RIN2: variants seen among roughly 807,000 people sequenced by gnomAD.
RIN2 encodes the protein RAB5 interacting protein 2.
In RIN2, 36 loss-of-function variants were observed where a neutral mutation model predicts 78.0. The ratio of observed to expected loss-of-function variants is 0.46; its 90% confidence interval spans 0.35 to 0.61. The LOEUF is 0.61. Among genes scored for constraint, RIN2 ranks in the 20% least tolerant of loss-of-function variants. The pLI is 0.00. For missense variants in RIN2, 1,087 were observed against 1,159.7 expected (o/e 0.94, Z 0.91); for synonymous variants, 466 against 466.8 (o/e 1.00, Z 0.02).
chr20:19,805,466 A>C (rs1159513205), intron 2 of RIN2, among the ~76,000 whole-genome samples: 1 of 152,122 alleles, frequency 6.6e-6, no homozygotes, highest in African/African-American at 2.4e-5. Context: ...CAGTGGTGCG[A>C]TCTCGGCTCA....
At chr20:19,858,695 T>TA (rs2037240401) in intron 2 of RIN2, among the ~76,000 whole-genome samples, 1 of 152,186 alleles carries the variant, frequency 6.6e-6, no homozygotes, top group South Asian at 2.1e-4. Context: ...TTTGGAATAA[T>TA]ATTTACTTAT....
At chr20:19,816,527 A>T (rs974904007) in intron 2 of RIN2, among the ~76,000 whole-genome samples, 6 of 152,200 alleles carry the variant, frequency 3.9e-5, no homozygotes, top group African/African-American at 1.4e-4. Context: ...TTCTGGTTTG[A>T]TCCTTGGGTA....
intron 2 of RIN2, among the ~76,000 whole-genome samples, chr20:19,816,815 G>C (rs577343866): frequency 1.6e-4 from 25 of 152,304 alleles, no homozygotes; most frequent in African/African-American, 4.6e-4. Flanking sequence ...TGATGCATCT[G>C]AATAACTGAA....
intron 2 of RIN2, among the ~76,000 whole-genome samples, chr20:19,844,463 A>G (rs879288148): frequency 1.3e-5 from 2 of 152,180 alleles, no homozygotes; most frequent in Non-Finnish European, 2.9e-5. Flanking sequence ...TTATTGTCCC[A>G]AAGGAATGAC....
intron 1 of RIN2, among the ~76,000 whole-genome samples, chr20:19,785,774 TTGGTAA>T (rs1568750058): frequency 6.6e-6 from 1 of 152,218 alleles, no homozygotes; most frequent in Non-Finnish European, 1.5e-5. Context: ...TTCATTCTCC[TTGGTAA>T]TATGTCAAAC....
chr20:19,775,360 C>T (rs2034274619), intron 1 of RIN2, among the ~76,000 whole-genome samples: 3 of 152,164 alleles, frequency 2.0e-5, no homozygotes, highest in South Asian at 2.1e-4. Context: ...CACTAAATTG[C>T]GTATCTTCCC....
At chr20:19,934,364 ACT>A (rs2040552158) in intron 3 of RIN2, 6 of 469,832 alleles carry the variant, frequency 1.3e-5, no homozygotes, top group Non-Finnish European at 1.7e-5. Context: ...GCCAGGAAAG[ACT>A]CTGTTGAATG....
At chr20:19,824,976 C>G (rs1463439803) in intron 2 of RIN2, among the ~76,000 whole-genome samples, 1 of 152,160 alleles carries the variant, frequency 6.6e-6, no homozygotes, top group Non-Finnish European at 1.5e-5. Context: ...ACGAGAACCT[C>G]TTCACCCAGG....
At chr20:19,968,286 C>T (rs773955637) in intron 7 of RIN2, among the ~76,000 whole-genome samples, 6 of 152,190 alleles carry the variant, frequency 3.9e-5, no homozygotes, top group Admixed American at 6.5e-5. Flanking sequence ...TAGAAATCTA[C>T]GTATAGAGCA....
At chr20:19,933,847 C>T (rs1221202147) in intron 3 of RIN2, among the ~76,000 whole-genome samples, 1 of 152,126 alleles carries the variant, frequency 6.6e-6, no homozygotes, top group Non-Finnish European at 1.5e-5. Flanking sequence ...CTCACTCTGT[C>T]GCCCAGGCTG....
chr20:19,855,711 A>C (rs1445593105), intron 2 of RIN2, among the ~76,000 whole-genome samples: 1 of 152,170 alleles, frequency 6.6e-6, no homozygotes, highest in African/African-American at 2.4e-5. Flanking sequence ...CTGTAAAATC[A>C]AGAAAACACC....
chr20:19,946,565 C>A (rs6046470), intron 4 of RIN2, among the ~76,000 whole-genome samples: 13,883 of 150,300 alleles, frequency 0.092, 695 homozygotes, highest in East Asian at 0.1. Context: ...TAAAAATGCA[C>A]ATATTAGTCT....
intron 1 of RIN2, among the ~76,000 whole-genome samples, chr20:19,771,072 G>A (rs1019250772): frequency 6.6e-6 from 1 of 152,222 alleles, no homozygotes; most frequent in Non-Finnish European, 1.5e-5. Context: ...ATGAAGAGAA[G>A]CACAGGGGGA....
At chr20:19,965,120 C>T in intron 7 of RIN2, 96 bp downstream of exon 7, 1 of 982,876 alleles carries the variant, frequency 1.0e-6, no homozygotes, top group East Asian at 2.4e-5. Context: ...AGGCTGGCCA[C>T]CTATTTGATG....
chr20:19,923,450 A>AAAATAAAATAAAATAAAAT (rs1265822833), intron 3 of RIN2, among the ~76,000 whole-genome samples: 1 of 129,572 alleles, frequency 7.7e-6, no homozygotes, highest in African/African-American at 3.4e-5. Flanking sequence ...AAAATAAAAT[A>AAAATAAAATAAAATAAAAT]AAATAAAATA....
At chr20:19,779,626 A>G (rs1461538621) in intron 1 of RIN2, among the ~76,000 whole-genome samples, 6 of 152,224 alleles carry the variant, frequency 3.9e-5, no homozygotes, top group Non-Finnish European at 7.3e-5. Flanking sequence ...GTCAAATTGT[A>G]GCCAAGCAGA....
rs887194131 is a variant in RIN2 at position 19,975,749 on chromosome 20, A to G, written c.1724A>G (p.Asp575Gly). The G allele has an allele frequency of 1.2e-6, 2 of 1,610,208 alleles. No homozygotes were observed. Among genetic ancestry groups the G allele is most frequent in the African/African-American group, 2.7e-5 (2 of 74,028 alleles). Residue 575 changes from aspartate (D) to glycine (G), a missense_variant, in exon 9 of 13, where the codon GAC becomes GGC. Around this residue, in one of 8 missense-constraint regions of RIN2, gnomAD observed 39 missense variants for 34.9 expected, o/e 1.12. Transcript: ENST00000255006. This position sits in a 1 kb window ranked among gnomAD's most constrained non-coding sequence, Gnocchi z 4.9. ...TATTTGTCTCAGAGCTCGGAGCTGG[A>G]CCCCCCCATCGAGTCGCTGATCCCT... ...KNYLSQSSELDPPIESLIPED... is the reference protein window; with the variant it reads ...KNYLSQSSELGPPIESLIPED...
chr20:19,901,887 G>T (rs2038998027), intron 3 of RIN2, among the ~76,000 whole-genome samples: 2 of 151,828 alleles, frequency 1.3e-5, no homozygotes, highest in Admixed American at 1.3e-4. Flanking sequence ...TGTGGTGCAG[G>T]CGCCTGTAAT....
chr20:19,851,353 G>A (rs2036976325), intron 2 of RIN2, among the ~76,000 whole-genome samples: 1 of 152,166 alleles, frequency 6.6e-6, no homozygotes, highest in Admixed American at 6.5e-5. Context: ...GAATCTTGAA[G>A]CCAGGTACAG....
Sources: gnomAD v4.1 joint callset for allele counts (sites outside exome capture counted in the v4.1 genomes callset) on GRCh38, gnomAD v4.1.1 for gene constraint, gnomAD v4.1.1 regional missense constraint, Gnocchi (gnomAD v3.1) non-coding constraint, MANE v1.5 for transcripts, NCBI Gene and HGNC (gene_info 2026-07-23, HGNC 2026-07-21) for gene names.